ADAMTS12: variants seen among roughly 807,000 people sequenced by gnomAD.
The protein encoded by ADAMTS12 is A disintegrin and metalloproteinase with thrombospondin motifs 12.
ADAMTS12 carries 118 observed loss-of-function variants against 167.8 expected under a neutral mutation model. That is an observed-to-expected ratio of 0.70 (90% CI 0.61 to 0.82). ADAMTS12 has a LOEUF of 0.82. Ranked by LOEUF, ADAMTS12 falls within the 40% of genes least tolerant of loss-of-function variation. ADAMTS12 has a pLI of 0.00. For synonymous variants in ADAMTS12, 704 were observed against 716.9 expected (o/e 0.98, Z 0.29); for missense variants, 1,916 against 1,998.8 (o/e 0.96, Z 0.79).
chr5:33,629,003 C>T (rs1315743373), intron 13 of ADAMTS12, among the ~76,000 whole-genome samples: 1 of 152,110 alleles, frequency 6.6e-6, no homozygotes, highest in Non-Finnish European at 1.5e-5. Flanking sequence ...TATTAGAATG[C>T]CTGGAGAGCT....
intron 6 of ADAMTS12, among the ~76,000 whole-genome samples, chr5:33,661,190 C>T (rs1028467230): frequency 1.4e-4 from 21 of 152,272 alleles, no homozygotes; most frequent in African/African-American, 4.3e-4. Context: ...AATATAAGCC[C>T]TTCTTTCATC....
chr5:33,552,258 A>G (rs1745280157), intron 20 of ADAMTS12, among the ~76,000 whole-genome samples: 1 of 152,270 alleles, frequency 6.6e-6, no homozygotes, highest in African/African-American at 2.4e-5. Context: ...TCAGAGAAGT[A>G]TAGCACAACT....
chr5:33,796,329 T>G (rs1252765568), intron 2 of ADAMTS12, among the ~76,000 whole-genome samples: 1 of 152,212 alleles, frequency 6.6e-6, no homozygotes, highest in Non-Finnish European at 1.5e-5. Flanking sequence ...CATACTGACA[T>G]GGAAGGATGC....
intron 14 of ADAMTS12, among the ~76,000 whole-genome samples, chr5:33,621,924 T>C (rs1739350375): frequency 6.6e-6 from 1 of 152,252 alleles, no homozygotes; most frequent in Admixed American, 6.5e-5. Context: ...TTAAGACTCT[T>C]AGTCTCAGTT....
At position 33,817,151 on chromosome 5, in the gene ADAMTS12, C is replaced by G. The variant is rs529597673; in HGVS notation, c.489+63968G>C. Among the ~76,000 whole-genome samples, 5 of 152,252 alleles carry G rather than the reference C, an allele frequency of 3.3e-5. No individual in the cohort carries two copies. In the South Asian group the frequency reaches 1.0e-3, roughly 32 times the overall value. Reference sequence around the variant, plus strand: ...TGCCATTTTGGAAAGATAAGTCACACAGCAAGGTCAAAGCATGTGGTACAA... The same window carrying G: ...TGCCATTTTGGAAAGATAAGTCACAGAGCAAGGTCAAAGCATGTGGTACAA... On this transcript the variant is annotated intron_variant, in intron 2 of 23. Coordinates refer to ENST00000504830, the MANE Select transcript of ADAMTS12 (RefSeq NM_030955.4).
chr5:33,836,774 G>A (rs945935785), intron 2 of ADAMTS12, among the ~76,000 whole-genome samples: 1 of 152,196 alleles, frequency 6.6e-6, no homozygotes, highest in East Asian at 1.9e-4. Flanking sequence ...ACAGACAGCA[G>A]CAGGTACACA....
rs527351741 is a variant in ADAMTS12, at chr5:33,789,849, A to C, written c.490-38301T>G. Among the ~76,000 whole-genome samples, 7 of 152,294 alleles carry C rather than the reference A, an allele frequency of 4.6e-5. No individual in the cohort carries two copies. The South Asian group carries it at 1.2e-3, about 27-fold the overall frequency. ...ATGTGGTCTGCAGCCTCTTCTTTCT[A>C]AATGGACAGTTCAAGCCTGCCTCTC... On this transcript the variant is annotated intron_variant, in intron 2 of 23. Transcript: ENST00000504830.
At chr5:33,755,144 A>G (rs972649580) in intron 2 of ADAMTS12, among the ~76,000 whole-genome samples, 5 of 152,324 alleles carry the variant, frequency 3.3e-5, no homozygotes, top group Middle Eastern at 3.4e-3. Flanking sequence ...TTTTGAGCCT[A>G]TTTTGAATTC....
Position 33,846,543 on chromosome 5 carries a change from A to T in ADAMTS12, c.489+34576T>A, listed in dbSNP as rs558514811. ...GGCCTTGATTGCTGCTCCAGAGCTC[A>T]TGTTTTCCTCCATCTTCTGAGAAGA... On this transcript the variant is annotated intron_variant, in intron 2 of 23. Coordinates refer to ENST00000504830, the MANE Select transcript of ADAMTS12 (RefSeq NM_030955.4). Among the ~76,000 whole-genome samples the T allele has an allele frequency of 2.0e-5, 3 of 152,308 alleles. No homozygotes were observed. The South Asian group carries it at 6.2e-4, about 32-fold the overall frequency.
intron 3 of ADAMTS12, among the ~76,000 whole-genome samples, chr5:33,693,263 T>C (rs10068461): frequency 0.22 from 34,160 of 152,190 alleles, 4,009 homozygotes; most frequent in East Asian, 0.42. Context: ...AAATTCTCTA[T>C]AATTAGAGAA....
rs752429323 is a variant in ADAMTS12 at position 33,595,979 on chromosome 5, G to T, written c.2609C>A (p.Pro870His). ...KATFCDPETQ[P>H]NGRQKKCHEK... The stretch of plus-strand genomic sequence containing the variant: ...ATGGCACTTCTTCTGTCTCCCATTG[G>T]GCTGTGTTTCTGGGTCACAGAATGT... The change falls in exon 17 of 24, where the codon CCC becomes CAC. Residue 870 changes from proline (P) to histidine (H), a missense_variant. By Grantham distance (77) the Pro-to-His change is moderately conservative. Coordinates refer to ENST00000504830, the MANE Select transcript of ADAMTS12 (RefSeq NM_030955.4). 1.2e-6 allele frequency: 2 copies of T among 1,614,086 alleles called. No individual in the cohort carries two copies. The highest frequency in any genetic ancestry group is 2.2e-5 in the South Asian group (2 of 91,080).
intron 2 of ADAMTS12, among the ~76,000 whole-genome samples, chr5:33,841,265 C>T (rs1321034319): frequency 6.6e-6 from 1 of 152,142 alleles, no homozygotes; most frequent in East Asian, 1.9e-4. Flanking sequence ...TGCAGCTACT[C>T]CCTCCTTCCT....
intron 13 of ADAMTS12, among the ~76,000 whole-genome samples, chr5:33,628,087 G>C (rs914729350): frequency 1.3e-5 from 2 of 152,184 alleles, no homozygotes; most frequent in Non-Finnish European, 2.9e-5. Context: ...CTAAGAGAAA[G>C]TTAGGGAGCA....
At position 33,861,937 on chromosome 5, in the gene ADAMTS12, A is replaced by G. The variant is rs562187410; in HGVS notation, c.489+19182T>C. Reference sequence around the variant, plus strand: ...TTGCTCCCAAATGACTAATGGGTAAATAACGAAATAAAGGCAGAAATAAAG... The same window carrying G: ...TTGCTCCCAAATGACTAATGGGTAAGTAACGAAATAAAGGCAGAAATAAAG... On this transcript the variant is annotated intron_variant, in intron 2 of 23. Coordinates refer to ENST00000504830, the MANE Select transcript of ADAMTS12 (RefSeq NM_030955.4). Among the ~76,000 whole-genome samples the G allele has an allele frequency of 1.1e-3, 174 of 152,356 alleles. 1 individual carries two copies. Among genetic ancestry groups the G allele is most frequent in the Middle Eastern group, 3.4e-3 (1 of 294 alleles).
chr5:33,765,459 T>G (rs1745499237), intron 2 of ADAMTS12, among the ~76,000 whole-genome samples: 1 of 152,188 alleles, frequency 6.6e-6, no homozygotes, highest in African/African-American at 2.4e-5. Flanking sequence ...CTTAACACTT[T>G]GCATCTGGAT....
At chr5:33,813,409 TTTTAA>T (rs1284413653) in intron 2 of ADAMTS12, among the ~76,000 whole-genome samples, 1 of 152,234 alleles carries the variant, frequency 6.6e-6, no homozygotes. Context: ...TCTGTGAATC[TTTTAA>T]TTAATTGCTG....
intron 20 of ADAMTS12, among the ~76,000 whole-genome samples, chr5:33,557,338 A>G (rs781212321): frequency 4.6e-5 from 7 of 152,174 alleles, no homozygotes; most frequent in African/African-American, 7.2e-5. Flanking sequence ...CAGAATCTAA[A>G]CTCTCTGGAT....
chr5:33,857,760 A>G (rs191629229), intron 2 of ADAMTS12, among the ~76,000 whole-genome samples: 7 of 152,376 alleles, frequency 4.6e-5, no homozygotes, highest in Non-Finnish European at 1.0e-4. Context: ...AGACAGAGAT[A>G]AACATTATAC....
chr5:33,770,946 C>T (rs1745716171), intron 2 of ADAMTS12, among the ~76,000 whole-genome samples: 1 of 152,050 alleles, frequency 6.6e-6, no homozygotes, highest in Admixed American at 6.6e-5. Flanking sequence ...CTTTCTCAGC[C>T]TCCTAAAGTG....
Sources: gnomAD v4.1 joint callset for allele counts (sites outside exome capture counted in the v4.1 genomes callset) on GRCh38, gnomAD v4.1.1 for gene constraint, MANE v1.5 for transcripts, NCBI Gene and HGNC (gene_info 2026-07-23, HGNC 2026-07-21) for gene names.